Variants in SEMA5A observed in about 807,000 individuals in gnomAD.
The protein encoded by SEMA5A is semaphorin 5A, also known as semaphorin-5A.
Under a neutral mutation model 135.5 loss-of-function variants are expected in SEMA5A, and 55 were observed. That is an observed-to-expected ratio of 0.41 (90% CI 0.33 to 0.51). The LOEUF (loss-of-function observed/expected upper bound fraction) is 0.51, where lower values mean the gene tolerates loss of function less well. Ranked by LOEUF, SEMA5A falls within the 20% of genes least tolerant of loss-of-function variation. SEMA5A has a pLI of 0.37. For missense variants in SEMA5A, 1,290 were observed against 1,419.9 expected (o/e 0.91, Z 1.47); for synonymous variants, 580 against 546.5 (o/e 1.06, Z -0.85).
At chr5:9,153,268 G>T (rs185358018) in intron 12 of SEMA5A, among the ~76,000 whole-genome samples, 1 of 152,118 alleles carries the variant, frequency 6.6e-6, no homozygotes, top group African/African-American at 2.4e-5. Flanking sequence ...TAAACAAGAT[G>T]CCTAAGAACA....
chr5:9,093,709 A>C (rs1739165322), intron 16 of SEMA5A, among the ~76,000 whole-genome samples: 1 of 151,938 alleles, frequency 6.6e-6, no homozygotes, highest in African/African-American at 2.4e-5. Flanking sequence ...AAACAAAAAA[A>C]CAAAACAAAA....
chr5:9,295,722 T>G (rs1751304251), intron 5 of SEMA5A, among the ~76,000 whole-genome samples: 1 of 152,178 alleles, frequency 6.6e-6, no homozygotes, highest in South Asian at 2.1e-4. Context: ...CTATCAAATA[T>G]AAGCACTGAT....
intron 1 of SEMA5A, among the ~76,000 whole-genome samples, chr5:9,504,724 G>A (rs911869721): frequency 2.0e-5 from 3 of 152,236 alleles, no homozygotes; most frequent in African/African-American, 7.2e-5. Context: ...CAGTGAATGA[G>A]GGCAAAGAAG....
At chr5:9,049,400 C>G (rs528854765) in intron 21 of SEMA5A, among the ~76,000 whole-genome samples, 13 of 152,260 alleles carry the variant, frequency 8.5e-5, no homozygotes, top group African/African-American at 3.1e-4. Flanking sequence ...CCTGACCTCA[C>G]GTGATCTGCC....
At chr5:9,237,925 T>C in intron 5 of SEMA5A, 35 bp from the exon 6 acceptor site, 1 of 1,596,416 alleles carries the variant, frequency 6.3e-7, no homozygotes, top group Non-Finnish European at 8.6e-7. Flanking sequence ...CAGTCATGGT[T>C]TTGACTAAAT....
intron 1 of SEMA5A, among the ~76,000 whole-genome samples, chr5:9,464,310 A>G (rs1219161033): frequency 6.6e-6 from 1 of 152,206 alleles, no homozygotes; most frequent in Admixed American, 6.5e-5. Context: ...TTACAGGAAA[A>G]AAACAGGAGC....
intron 2 of SEMA5A, among the ~76,000 whole-genome samples, chr5:9,414,984 T>C (rs1040129486): frequency 3.3e-5 from 5 of 152,236 alleles, no homozygotes; most frequent in African/African-American, 1.2e-4. Flanking sequence ...AAAAATATTA[T>C]GTCATTTCAT....
intron 3 of SEMA5A, among the ~76,000 whole-genome samples, chr5:9,353,919 G>A (rs1009012141): frequency 2.0e-5 from 3 of 149,982 alleles, no homozygotes; most frequent in African/African-American, 4.9e-5. Context: ...GGTATCAGCA[G>A]CCCCAAGTCA....
At chr5:9,338,069 A>C (rs1753475649) in intron 3 of SEMA5A, among the ~76,000 whole-genome samples, 1 of 152,220 alleles carries the variant, frequency 6.6e-6, no homozygotes, top group Admixed American at 6.5e-5. Flanking sequence ...TTTACAAGCC[A>C]GATGTGCATT....
chr5:9,299,711 C>T (rs1001935142), intron 5 of SEMA5A, among the ~76,000 whole-genome samples: 2 of 152,160 alleles, frequency 1.3e-5, no homozygotes, highest in Admixed American at 1.3e-4. Flanking sequence ...GGAAGGAGGC[C>T]ATAAATGTTA....
At chr5:9,481,807 T>A (rs902761465) in intron 1 of SEMA5A, among the ~76,000 whole-genome samples, 9 of 152,168 alleles carry the variant, frequency 5.9e-5, no homozygotes, top group African/African-American at 2.2e-4. Flanking sequence ...AATGTGAAGA[T>A]GCCCCTGACC....
chr5:9,400,976 C>G lies in SEMA5A; in HGVS notation c.-77-20953G>C, dbSNP rs370263377. On this transcript the variant is annotated intron_variant, in intron 2 of 22. Coordinates refer to ENST00000382496, the MANE Select transcript of SEMA5A (RefSeq NM_003966.3). ...ATTTAATGCTTGTGTTGGTGGAGAC[C>G]AGTGTCTGACCTCAGGAACTCACTC... 1.6e-4 allele frequency among the ~76,000 whole-genome samples: 25 copies of G among 152,028 alleles called. No homozygotes were observed. The East Asian group carries it at 1.9e-3, about 12-fold the overall frequency.
intron 1 of SEMA5A, among the ~76,000 whole-genome samples, chr5:9,536,411 G>A (rs922012454): frequency 6.6e-6 from 1 of 151,952 alleles, no homozygotes; most frequent in Non-Finnish European, 1.5e-5. Context: ...TCAGGAGTTC[G>A]AGACCAGCCT....
At chr5:9,350,307 T>C (rs536222340) in intron 3 of SEMA5A, among the ~76,000 whole-genome samples, 1 of 152,316 alleles carries the variant, frequency 6.6e-6, no homozygotes, top group South Asian at 2.1e-4. Context: ...AACTTTTTTC[T>C]CGGGAACCGT....
chr5:9,062,931 C>T lies in SEMA5A; in HGVS notation c.2474G>A (p.Gly825Asp). The T allele has an allele frequency of 1.9e-6, 3 of 1,614,236 alleles. No individual in the cohort carries two copies. The highest frequency in any genetic ancestry group is 2.5e-6 in the Non-Finnish European group (3 of 1,180,042). The change falls in exon 18 of 23, where the codon GGC (glycine) becomes GAC (aspartate). Residue 825 changes from glycine (G) to aspartate (D), a missense_variant. Gly to Asp is a moderately conservative substitution (Grantham distance 94). Around this residue, in one of 3 missense-constraint regions of SEMA5A, gnomAD observed 1,029 missense variants for 1,086.6 expected, o/e 0.95. Transcript: ENST00000382496. ...GCATTCCTGGTATTCCAGAGATGGG[C>T]CAAGGCAAGGCATTCCCCCATACTT... ...EPKYGGMPCL[G>D]PSLEYQECNI...
intron 3 of SEMA5A, among the ~76,000 whole-genome samples, chr5:9,372,595 G>A (rs1755185841): frequency 6.6e-6 from 1 of 152,102 alleles, no homozygotes; most frequent in African/African-American, 2.4e-5. Flanking sequence ...CCATAGACAA[G>A]CATGGAGCCA....
In SEMA5A at chr5:9,051,887, GAGTCAAACACACACGGCCGGCTCTCC is replaced by G; in HGVS notation, c.2805_2830del (p.Glu936Ter). The G allele has an allele frequency of 1.2e-6, 2 of 1,614,164 alleles. No individual in the cohort carries two copies. The highest frequency in any genetic ancestry group is 1.7e-6 in the Non-Finnish European group (2 of 1,180,040). On this transcript the variant is annotated frameshift_variant, in exon 20 of 23. Transcript: ENST00000382496. LOFTEE classifies it high-confidence loss of function. ...TCTGCTCTTACCTGGGATGAAATTA[GAGTCAAACACACACGGCCGGCTCTCC>G]GTGGTGTTCCCGGAGCACTGGCTGC...
chr5:9,059,424 G>T (rs1334079738), intron 18 of SEMA5A, among the ~76,000 whole-genome samples: 2 of 152,086 alleles, frequency 1.3e-5, no homozygotes, highest in Admixed American at 6.5e-5. Flanking sequence ...CACAGAAGGT[G>T]AAAAAAATGA....
intron 18 of SEMA5A, among the ~76,000 whole-genome samples, chr5:9,055,737 C>T (rs1736853369): frequency 6.6e-6 from 1 of 152,108 alleles, no homozygotes; most frequent in Admixed American, 6.6e-5. Flanking sequence ...ATAGTTTACA[C>T]AAACTTGCAG....
Sources: gnomAD v4.1 joint callset for allele counts (sites outside exome capture counted in the v4.1 genomes callset) on GRCh38, gnomAD v4.1.1 for gene constraint, gnomAD v4.1.1 regional missense constraint, MANE v1.5 for transcripts, NCBI Gene and HGNC (gene_info 2026-07-23, HGNC 2026-07-21) for gene names.